KIAA1328: variants seen among roughly 807,000 people sequenced by gnomAD.
KIAA1328 encodes the protein protein hinderin.
A neutral mutation model predicts 68.1 loss-of-function variants in KIAA1328; 52 were observed. The ratio of observed to expected loss-of-function variants is 0.76; its 90% CI spans 0.61 to 0.96. The LOEUF (loss-of-function observed/expected upper bound fraction) is 0.96. KIAA1328 is among the 40% of genes least tolerant of loss of function. KIAA1328 has a pLI of 0.00. For synonymous variants in KIAA1328, 232 were observed against 239.4 expected (o/e 0.97, Z 0.28); for missense variants, 641 against 677.6 (o/e 0.95, Z 0.60).
At chr18:36,876,661 A>C (rs1019556267) in intron 4 of KIAA1328, among the ~76,000 whole-genome samples, 1 of 152,014 alleles carries the variant, frequency 6.6e-6, no homozygotes, top group African/African-American at 2.4e-5. Flanking sequence ...AGGGTTTTTC[A>C]TGTCTCTTAT....
chr18:37,186,910 A>G (rs1008359910), intron 9 of KIAA1328, among the ~76,000 whole-genome samples: 5 of 152,098 alleles, frequency 3.3e-5, no homozygotes, highest in Non-Finnish European at 7.4e-5. Flanking sequence ...ATGGTGGCTG[A>G]CACCTGTAAT....
chr18:36,910,686 G>A (rs927974970), intron 5 of KIAA1328, among the ~76,000 whole-genome samples: 13 of 152,056 alleles, frequency 8.5e-5, no homozygotes, highest in Non-Finnish European at 1.8e-4. Context: ...TGTTGGGGAT[G>A]GCATTAAATC....
At chr18:37,072,375 C>T (rs903723220) in intron 7 of KIAA1328, among the ~76,000 whole-genome samples, 1 of 151,420 alleles carries the variant, frequency 6.6e-6, no homozygotes, top group African/African-American at 2.4e-5. Flanking sequence ...GTCATTTGCA[C>T]TATTTTTCTC....
chr18:37,046,747 G>A (rs1407568739), intron 6 of KIAA1328, among the ~76,000 whole-genome samples: 2 of 152,138 alleles, frequency 1.3e-5, no homozygotes, highest in Admixed American at 1.3e-4. Flanking sequence ...AACATTTTGA[G>A]AATTTTGCTC....
rs182851344 is a variant in KIAA1328 at position 36,888,323 on chromosome 18, A to G, written c.448+2651A>G. 2.4e-4 allele frequency among the ~76,000 whole-genome samples: 37 copies of G among 152,228 alleles called. 2 individuals are homozygous for G. The East Asian group carries it at 4.5e-3, about 18-fold the overall frequency. ...CCCTATGCCTTTCCTAACCTAAAAT[A>G]TTTATTATTTGACTCTTCAGTAAAG... is the stretch of plus-strand genomic sequence containing the variant. On this transcript the variant is annotated intron_variant, in intron 5 of 9. Coordinates refer to ENST00000280020, the MANE Select transcript of KIAA1328 (RefSeq NM_020776.3).
intron 7 of KIAA1328, among the ~76,000 whole-genome samples, chr18:37,099,733 G>A (rs1245709276): frequency 6.6e-6 from 1 of 152,078 alleles, no homozygotes; most frequent in Non-Finnish European, 1.5e-5. Context: ...GGTCTCTAAG[G>A]ACTTGCTTTA....
At chr18:37,194,950 G>T (rs563584154) in intron 9 of KIAA1328, among the ~76,000 whole-genome samples, 84 of 152,200 alleles carry the variant, frequency 5.5e-4, no homozygotes, top group African/African-American at 2.0e-3. Context: ...GAGCCACTGC[G>T]CCCAGCCTAT....
At chr18:37,000,157 G>A (rs192372974) in intron 6 of KIAA1328, among the ~76,000 whole-genome samples, 9 of 152,112 alleles carry the variant, frequency 5.9e-5, no homozygotes, top group East Asian at 5.8e-4. Context: ...GTAAAGGGAC[G>A]AAAAAAGATG....
chr18:36,883,824 A>G (rs1225561629), intron 4 of KIAA1328, among the ~76,000 whole-genome samples: 1 of 151,922 alleles, frequency 6.6e-6, no homozygotes, highest in African/African-American at 2.4e-5. Context: ...ATATTTCTGT[A>G]ATCTACTTAT....
At chr18:37,043,672 C>T (rs1010248841) in intron 6 of KIAA1328, among the ~76,000 whole-genome samples, 3 of 152,210 alleles carry the variant, frequency 2.0e-5, no homozygotes, top group African/African-American at 7.2e-5. Flanking sequence ...CCTTTACTTT[C>T]TGCTATTCCT....
chr18:37,134,144 G>C (rs1226561175), intron 7 of KIAA1328, among the ~76,000 whole-genome samples: 1 of 151,972 alleles, frequency 6.6e-6, no homozygotes, highest in Non-Finnish European at 1.5e-5. Context: ...CTCCCGAGTA[G>C]CTGGGATTAC....
intron 6 of KIAA1328, among the ~76,000 whole-genome samples, chr18:36,987,502 AT>A (rs200720851): frequency 1.3e-4 from 7 of 55,982 alleles, no homozygotes; most frequent in South Asian, 1.1e-3. Context: ...AAATAAATAA[AT>A]AAATAAAAAT....
intron 7 of KIAA1328, among the ~76,000 whole-genome samples, chr18:37,094,967 A>T (rs1223215639): frequency 6.6e-6 from 1 of 151,006 alleles, no homozygotes; most frequent in Non-Finnish European, 1.5e-5. Flanking sequence ...AAAAAAAAAC[A>T]TCAAAAGAGA....
chr18:36,958,168 T>C (rs1251750650), intron 5 of KIAA1328, among the ~76,000 whole-genome samples: 3 of 152,212 alleles, frequency 2.0e-5, no homozygotes, highest in Admixed American at 6.5e-5. Context: ...TAATATTCCA[T>C]TTATAAATAT....
chr18:36,916,700 G>T (rs2049715575), intron 5 of KIAA1328, among the ~76,000 whole-genome samples: 2 of 152,154 alleles, frequency 1.3e-5, no homozygotes, highest in East Asian at 1.9e-4. Flanking sequence ...AAGTAAGGAG[G>T]CACAGAGAGG....
At chr18:37,167,044 A>G (rs554564879) in intron 8 of KIAA1328, among the ~76,000 whole-genome samples, 83 of 152,330 alleles carry the variant, frequency 5.4e-4, no homozygotes, top group African/African-American at 2.0e-3. Flanking sequence ...GTAAGAGGAA[A>G]GAATATATCC....
In KIAA1328 at chr18:37,161,483, A is replaced by G. The variant is rs927772094; in HGVS notation, c.1414+1102A>G. ...TAAAAGCAAAAGTACATTTTGTTAG[A>G]CATAAGGCAAAGAAAGGTTTTGTAG... On this transcript the variant is annotated intron_variant, in intron 8 of 9. Transcript: ENST00000280020. Among the ~76,000 whole-genome samples the G allele has an allele frequency of 5.2e-5, 8 of 152,382 alleles. No homozygotes were observed. In the South Asian group the frequency reaches 1.0e-3, roughly 20 times the overall value.
intron 9 of KIAA1328, among the ~76,000 whole-genome samples, chr18:37,184,109 A>G (rs1439238498): frequency 6.6e-6 from 1 of 152,216 alleles, no homozygotes; most frequent in African/African-American, 2.4e-5. Flanking sequence ...AAACAAAGTG[A>G]ATATTTCTTT....
At chr18:36,954,746 G>A (rs961252009) in intron 5 of KIAA1328, among the ~76,000 whole-genome samples, 1 of 148,534 alleles carries the variant, frequency 6.7e-6, no homozygotes, top group African/African-American at 2.5e-5. Flanking sequence ...CCAGGCTGGA[G>A]TGCAGTGTTG....
Sources: gnomAD v4.1 joint callset for allele counts (sites outside exome capture counted in the v4.1 genomes callset) on GRCh38, gnomAD v4.1.1 for gene constraint, MANE v1.5 for transcripts, NCBI Gene and HGNC (gene_info 2026-07-23, HGNC 2026-07-21) for gene names.